SHISA5: variants seen among roughly 807,000 people sequenced by gnomAD.
The protein encoded by SHISA5 is protein shisa-5.
A neutral mutation model predicts 27.5 loss-of-function variants in SHISA5; 21 were observed. That is an observed-to-expected ratio of 0.76 (90% CI 0.54 to 1.10). The LOEUF (loss-of-function observed/expected upper bound fraction) is 1.10. SHISA5 is among the 50% of genes least tolerant of loss of function. SHISA5 has a pLI of 0.00. For missense variants in SHISA5, 314 were observed against 336.3 expected (o/e 0.93, Z 0.52); for synonymous variants, 137 against 142.2 (o/e 0.96, Z 0.26).
At chr3:48,479,516 T>C in intron 2 of SHISA5, 2 of 520,640 alleles carry the variant, frequency 3.8e-6, no homozygotes, top group Non-Finnish European at 6.9e-6. Context: ...AGAAGACAGA[T>C]ACCATACAAA....
rs2041827284 is a variant in SHISA5 at position 48,503,955 on chromosome 3, G to A, written c.76+64C>T. On this transcript the variant is annotated intron_variant, in intron 1 of 5. Transcript: ENST00000296444. ...CTGGTGCTGCCCGGCTCGTTGGAGA[G>A]GCAGCGCGGGGAAGTGTCTGCCCGG... 2.1e-6 allele frequency: 3 copies of A among 1,432,732 alleles called. No individual in the cohort carries two copies. The East Asian group carries it at 9.0e-5, about 43-fold the overall frequency. The allele number at this position is 1,432,732 out of a possible 1,614,324, so 88.8% of individuals were successfully genotyped here. A position where few individuals can be genotyped will look rare whatever the true frequency, so the allele number is the denominator to read the frequency against.
chr3:48,502,408 C>T, intron 1 of SHISA5: 1 of 456,710 alleles, frequency 2.2e-6, no homozygotes, highest in Non-Finnish European at 4.4e-6. Context: ...AGTTTGAGAC[C>T]AGCCTGGGCA....
chr3:48,486,379 TA>T (rs368986794), intron 2 of SHISA5, among the ~76,000 whole-genome samples: 1 of 60,050 alleles, frequency 1.7e-5, no homozygotes, highest in African/African-American at 6.4e-5. Flanking sequence ...ATATAATATA[TA>T]ATATGTTATA....
At position 48,501,623 on chromosome 3, in the gene SHISA5, A is replaced by G. The variant is rs150665862; in HGVS notation, c.77-330T>C. Among the ~76,000 whole-genome samples the G allele has an allele frequency of 3.9e-3, 587 of 152,250 alleles. 4 individuals carry two copies. The highest frequency in any genetic ancestry group is 0.017 in the South Asian group (80 of 4,826). ...AACCTCCCCTAATTCCCACTGCTTC[A>G]GGATCAAGGCCCGAGTTTCCAAGCA... On this transcript the variant is annotated intron_variant, in intron 1 of 5. Coordinates refer to ENST00000296444, the MANE Select transcript of SHISA5 (RefSeq NM_016479.6).
Position 48,479,159 on chromosome 3 carries a change from C to T in SHISA5, c.314+18G>A, listed in dbSNP as rs1284403169. 3.1e-6 allele frequency: 5 copies of T among 1,597,196 alleles called. No individual in the cohort carries two copies. In the African/African-American group the frequency reaches 4.0e-5, roughly 13 times the overall value. The stretch of plus-strand genomic sequence containing the variant: ...ACCTTTGCCAGGAAGATGCACCCAG[C>T]CAGCAGGCTTTACTTACCCTGACAT... On this transcript the variant is annotated intron_variant, in intron 3 of 5. Coordinates refer to ENST00000296444, the MANE Select transcript of SHISA5 (RefSeq NM_016479.6).
At chr3:48,479,464 G>C in intron 2 of SHISA5, 1 of 573,388 alleles carries the variant, frequency 1.7e-6, no homozygotes, top group South Asian at 2.2e-5. Flanking sequence ...GTCTCCAGGA[G>C]AGAACATATG....
Position 48,480,502 on chromosome 3 carries a change from G to T in SHISA5, c.234-1245C>A, listed in dbSNP as rs150564055. ...TAGAGGGAGATTTGTATCTTTAATA[G>T]AATTTATCAAGAAATGGGGGGGCCG... On this transcript the variant is annotated intron_variant, in intron 2 of 5. Transcript: ENST00000296444. Among the ~76,000 whole-genome samples, 3 of 152,176 alleles carry T rather than the reference G, an allele frequency of 2.0e-5. No individual in the cohort carries two copies. The East Asian group carries it at 5.8e-4, about 29-fold the overall frequency.
At chr3:48,496,269 G>GC (rs1270471339) in intron 2 of SHISA5, among the ~76,000 whole-genome samples, 2 of 141,260 alleles carry the variant, frequency 1.4e-5, no homozygotes, top group African/African-American at 5.3e-5. Flanking sequence ...TCCAGCCTGG[G>GC]CAACAGAGTG....
intron 3 of SHISA5, 98 bp downstream of exon 3, chr3:48,479,079 G>A: frequency 1.8e-6 from 2 of 1,108,874 alleles, no homozygotes; most frequent in Admixed American, 4.2e-5. Context: ...CCACCCCAAT[G>A]ACCGAATCAT....
intron 3 of SHISA5, among the ~76,000 whole-genome samples, chr3:48,472,352 C>T (rs1034819864): frequency 1.3e-5 from 2 of 151,252 alleles, no homozygotes; most frequent in African/African-American, 2.4e-5. Context: ...AAGAATTAGC[C>T]GGGCGTGGTG....
intron 3 of SHISA5, chr3:48,477,105 A>AG: frequency 4.6e-6 from 1 of 216,284 alleles, no homozygotes; most frequent in East Asian, 1.6e-4. Flanking sequence ...TAACATTGAG[A>AG]AAAAAAAAAA....
intron 2 of SHISA5, among the ~76,000 whole-genome samples, chr3:48,496,131 A>T (rs1363830594): frequency 2.9e-5 from 4 of 138,428 alleles, no homozygotes; most frequent in African/African-American, 1.2e-4. Context: ...CTAAAAAAAA[A>T]AAATGCAAAG....
chr3:48,472,256 G>A (rs555664509), intron 3 of SHISA5, among the ~76,000 whole-genome samples: 52 of 151,524 alleles, frequency 3.4e-4, no homozygotes, highest in Middle Eastern at 3.4e-3. Context: ...GGGAGGCCGA[G>A]GCAGGCGGAT....
In SHISA5 at chr3:48,504,166, C is replaced by T. The variant is rs910693714; in HGVS notation, c.-72G>A. The T allele has an allele frequency of 2.0e-4, 138 of 704,916 alleles. No homozygotes were observed. Among genetic ancestry groups the T allele is most frequent in the East Asian group, 8.8e-4 (25 of 28,504 alleles). 43.7% of individuals were successfully genotyped at this position (704,916 alleles called of 1,614,324 possible). On this transcript the variant is annotated 5_prime_UTR_variant, in exon 1 of 6. Coordinates refer to ENST00000296444, the MANE Select transcript of SHISA5 (RefSeq NM_016479.6). The surrounding 1 kb of genome is among the most constrained non-coding windows in gnomAD (Gnocchi z 4.0). The stretch of plus-strand genomic sequence containing the variant: ...GCCGCCACAGCCTCAGTGATCCGCG[C>T]GGCCGCCCCTCTCCCTCGCCCCGCC...
intron 2 of SHISA5, among the ~76,000 whole-genome samples, chr3:48,483,904 A>C (rs1388714092): frequency 6.6e-6 from 1 of 152,136 alleles, no homozygotes; most frequent in Non-Finnish European, 1.5e-5. Context: ...TTTTGTAGAC[A>C]TAAGGTCTCA....
intron 2 of SHISA5, among the ~76,000 whole-genome samples, chr3:48,493,205 G>T (rs1397878153): frequency 6.8e-6 from 1 of 147,458 alleles, no homozygotes; most frequent in African/African-American, 2.7e-5. Flanking sequence ...AAGGTGGGCT[G>T]ATCACTTGAG....
intron 2 of SHISA5, among the ~76,000 whole-genome samples, chr3:48,481,369 G>A (rs1348660241): frequency 1.3e-5 from 2 of 151,684 alleles, no homozygotes; most frequent in African/African-American, 4.9e-5. Context: ...AACCCGGGAG[G>A]TGGAGGTTGC....
chr3:48,483,473 C>G (rs1050440091), intron 2 of SHISA5, among the ~76,000 whole-genome samples: 9 of 152,156 alleles, frequency 5.9e-5, no homozygotes, highest in African/African-American at 1.9e-4. Flanking sequence ...AATGAAAGGT[C>G]TCCCATGTCT....
At chr3:48,503,816 T>G in intron 1 of SHISA5, 2 of 1,260,562 alleles carry the variant, frequency 1.6e-6, no homozygotes, top group Non-Finnish European at 1.0e-6. Flanking sequence ...CTGCCTGGTG[T>G]CTAGGCAGGG....
Sources: gnomAD v4.1 joint callset for allele counts (sites outside exome capture counted in the v4.1 genomes callset) on GRCh38, gnomAD v4.1.1 for gene constraint, Gnocchi (gnomAD v3.1) non-coding constraint, MANE v1.5 for transcripts, NCBI Gene and HGNC (gene_info 2026-07-23, HGNC 2026-07-21) for gene names.